Variants in TUSC3 observed in about 807,000 individuals in gnomAD.
TUSC3 encodes the protein dolichyl-diphosphooligosaccharide--protein glycosyltransferase subunit TUSC3.
Under a neutral mutation model 44.8 loss-of-function variants are expected in TUSC3, and 45 were observed. That is an observed-to-expected ratio of 1.00 (90% confidence interval 0.79 to 1.29). The LOEUF (loss-of-function observed/expected upper bound fraction) is 1.29. Ranked by LOEUF, TUSC3 falls within the 50% of genes most tolerant of loss-of-function variation. TUSC3 has a pLI of 0.00. For synonymous variants in TUSC3, 212 were observed against 152.9 expected (o/e 1.39, Z -2.85); for missense variants, 519 against 437.9 (o/e 1.19, Z -1.65).
At chr8:15,640,604 C>G (rs371813799) in intron 2 of TUSC3, among the ~76,000 whole-genome samples, 386 of 152,270 alleles carry the variant, frequency 2.5e-3, no homozygotes, top group African/African-American at 8.5e-3. Flanking sequence ...CCTAAAGAAT[C>G]TTAAATAGAA....
intron 6 of TUSC3, among the ~76,000 whole-genome samples, chr8:15,675,407 G>T (rs1808140866): frequency 7.2e-6 from 1 of 138,616 alleles, no homozygotes; most frequent in Non-Finnish European, 1.6e-5. Flanking sequence ...TTAACATATT[G>T]TATTCTTTTT....
chr8:15,774,291 T>C, the TUSC3 span, among the ~76,000 whole-genome samples: 17 of 152,276 alleles, frequency 1.1e-4, no homozygotes, highest in South Asian at 3.5e-3. Flanking sequence ...AGTACATCCT[T>C]ACTTGGAAAT....
chr8:15,736,490 G>T (rs188144602), intron 7 of TUSC3, among the ~76,000 whole-genome samples: 74 of 152,204 alleles, frequency 4.9e-4, no homozygotes, highest in African/African-American at 1.7e-3. Flanking sequence ...TAAAATTAAG[G>T]TAGGGTATGT....
chr8:15,451,490 G>T (rs977042314), intron 1 of TUSC3, among the ~76,000 whole-genome samples: 1 of 152,126 alleles, frequency 6.6e-6, no homozygotes, highest in South Asian at 2.1e-4. Context: ...AAGCCAAAAG[G>T]ATAGGATTGG....
chr8:15,486,631 G>T (rs371332546), intron 2 of TUSC3, among the ~76,000 whole-genome samples: 2 of 152,130 alleles, frequency 1.3e-5, no homozygotes, highest in South Asian at 4.1e-4. Flanking sequence ...TTTTAGTAGA[G>T]ATGGGGTTTC....
intron 1 of TUSC3, among the ~76,000 whole-genome samples, chr8:15,428,220 T>G (rs1206265267): frequency 6.7e-6 from 1 of 148,170 alleles, no homozygotes; most frequent in Non-Finnish European, 1.5e-5. Flanking sequence ...ACATGTGGTG[T>G]TTGGTTTTTT....
chr8:15,475,820 G>C lies in TUSC3; in HGVS notation n.92-7566G>C, dbSNP rs1439979706. 2.0e-5 allele frequency among the ~76,000 whole-genome samples: 3 copies of C among 152,132 alleles called. 1 individual carries two copies. In the East Asian group the frequency reaches 5.8e-4, roughly 29 times the overall value. On this transcript the variant is annotated intron_variant and non_coding_transcript_variant, in intron 1 of 5. Transcript: ENST00000503191. ...GGCATTAATAGGATGTAGGCACTCT[G>C]AAAGTCTAGATGATATAGTTGCACT... is the stretch of plus-strand genomic sequence containing the variant.
intron 6 of TUSC3, among the ~76,000 whole-genome samples, chr8:15,703,987 AG>A (rs1809510648): frequency 6.6e-6 from 1 of 152,160 alleles, no homozygotes. Flanking sequence ...AAATAGATAA[AG>A]CTTATAACCT....
chr8:15,794,543 C>G, the TUSC3 span, among the ~76,000 whole-genome samples: 10 of 152,210 alleles, frequency 6.6e-5, 1 homozygote, highest in Non-Finnish European at 8.8e-5. Flanking sequence ...TAGGTAAAAG[C>G]CATTAGATTC....
At chr8:15,611,774 C>G (rs777110987) in intron 1 of TUSC3, among the ~76,000 whole-genome samples, 12 of 151,994 alleles carry the variant, frequency 7.9e-5, no homozygotes, top group Non-Finnish European at 1.2e-4. Context: ...TGCTTAATCT[C>G]TGATTTTTTG....
At chr8:15,542,453 T>C (rs2129133359) in intron 1 of TUSC3, among the ~76,000 whole-genome samples, 1 of 152,122 alleles carries the variant, frequency 6.6e-6, no homozygotes, top group African/African-American at 2.4e-5. Context: ...CATCGTCGCC[T>C]GAAGTGGTTT....
chr8:15,563,685 C>CAAAAAAAAAAAAAAAAAAAAAAAAAAAAA (rs150368776), intron 1 of TUSC3, among the ~76,000 whole-genome samples: 1 of 79,960 alleles, frequency 1.3e-5, no homozygotes, highest in African/African-American at 5.5e-5. Flanking sequence ...GCCTCCATCT[C>CAAAAAAAAAAAAAAAAAAAAAAAAAAAAA]AAAAAAAAAA....
chr8:15,538,017 T>C (rs1801548806), upstream of TUSC3, among the ~76,000 whole-genome samples: 2 of 152,186 alleles, frequency 1.3e-5, no homozygotes, highest in African/African-American at 4.8e-5. Context: ...AGCTCTTATG[T>C]ACGCACATAG....
chr8:15,612,683 C>T (rs1332957512), intron 1 of TUSC3, among the ~76,000 whole-genome samples: 1 of 152,144 alleles, frequency 6.6e-6, no homozygotes, highest in African/African-American at 2.4e-5. Flanking sequence ...ATTCTATTAA[C>T]TTCATTCATA....
intron 7 of TUSC3, among the ~76,000 whole-genome samples, chr8:15,741,930 A>G (rs1408845244): frequency 6.6e-6 from 1 of 152,196 alleles, no homozygotes; most frequent in East Asian, 1.9e-4. Context: ...ACATATGAAC[A>G]GTTTTAGTGA....
intron 1 of TUSC3, among the ~76,000 whole-genome samples, chr8:15,551,751 A>T (rs1397642357): frequency 6.6e-6 from 1 of 151,790 alleles, no homozygotes; most frequent in Non-Finnish European, 1.5e-5. Context: ...TTATAAGGGT[A>T]AGAAACAAAA....
chr8:15,466,371 A>G (rs1165993004), intron 1 of TUSC3, among the ~76,000 whole-genome samples: 1 of 152,164 alleles, frequency 6.6e-6, no homozygotes, highest in South Asian at 2.1e-4. Context: ...CAATTACATG[A>G]CTTTCTATAC....
chr8:15,488,450 C>T (rs1800763343), intron 2 of TUSC3, among the ~76,000 whole-genome samples: 1 of 152,066 alleles, frequency 6.6e-6, no homozygotes, highest in Non-Finnish European at 1.5e-5. Flanking sequence ...TGCAGTAAGC[C>T]ATCATTGCAC....
intron 6 of TUSC3, among the ~76,000 whole-genome samples, chr8:15,727,163 C>G (rs892116747): frequency 1.3e-5 from 2 of 152,110 alleles, no homozygotes; most frequent in African/African-American, 4.8e-5. Flanking sequence ...CTGTTAGATA[C>G]AAATTTTTAA....
Sources: gnomAD v4.1 joint callset for allele counts (sites outside exome capture counted in the v4.1 genomes callset) on GRCh38, gnomAD v4.1.1 for gene constraint, MANE v1.5 for transcripts, NCBI Gene and HGNC (gene_info 2026-07-23, HGNC 2026-07-21) for gene names.